SGK3: variants seen among roughly 807,000 people sequenced by gnomAD.
SGK3 encodes the protein serine/threonine-protein kinase Sgk3.
In SGK3, 47 loss-of-function variants were observed where a neutral mutation model predicts 68.5. The observed-to-expected ratio is 0.69, with a 90% CI of 0.54 to 0.87. The LOEUF (loss-of-function observed/expected upper bound fraction) is 0.87, where lower values mean the gene tolerates loss of function less well. SGK3 is among the 40% of genes least tolerant of loss of function. The pLI, the probability that SGK3 is intolerant of heterozygous loss-of-function variation, is 0.00. For missense variants in SGK3, 479 were observed against 575.5 expected, an observed-to-expected ratio of 0.83 and a Z score of 1.72; for synonymous variants, 181 against 189.1, an observed-to-expected ratio of 0.96 and a Z score of 0.35.
intron 6 of SGK3, among the ~76,000 whole-genome samples, chr8:66,828,373 C>T (rs560355489): frequency 1.3e-5 from 2 of 152,276 alleles, no homozygotes; most frequent in Non-Finnish European, 2.9e-5. Context: ...AGGAGCTTTC[C>T]TCAGTTTATT....
intron 1 of SGK3, among the ~76,000 whole-genome samples, chr8:66,764,908 C>T (rs1032179517): frequency 3.3e-5 from 5 of 152,026 alleles, no homozygotes; most frequent in African/African-American, 9.7e-5. Context: ...TTTTTATGGC[C>T]GGGTAATATT....
intron 15 of SGK3, among the ~76,000 whole-genome samples, chr8:66,849,227 T>C (rs1810162711): frequency 6.6e-6 from 1 of 152,182 alleles, no homozygotes; most frequent in Non-Finnish European, 1.5e-5. Context: ...ACTCTAGACT[T>C]ACATAGTATC....
intron 1 of SGK3, among the ~76,000 whole-genome samples, chr8:66,763,732 T>C (rs1806237750): frequency 6.6e-6 from 1 of 152,170 alleles, no homozygotes; most frequent in Non-Finnish European, 1.5e-5. Flanking sequence ...ATACTTCCAA[T>C]TGAAATTCAG....
intron 16 of SGK3, 109 bp downstream of exon 16, chr8:66,851,029 C>G: frequency 8.4e-7 from 1 of 1,190,650 alleles, no homozygotes; most frequent in Non-Finnish European, 1.2e-6. Flanking sequence ...GAGTCATTAC[C>G]TAAATATTTG....
chr8:66,819,436 A>G (rs771816241), intron 5 of SGK3, among the ~76,000 whole-genome samples: 4 of 152,340 alleles, frequency 2.6e-5, no homozygotes, highest in South Asian at 2.1e-4. Context: ...CAACTGCAGC[A>G]TTGTTTATGG....
In SGK3 at chr8:66,743,583, G is replaced by A. The variant is rs769399393; in HGVS notation, c.-122+30750G>A. ...TTGCTCTTTTTGCCCAGGCAATGGCGTGATCTCAGCTCACTGCAACTTCTG... is the reference window on the plus strand; with the variant it reads ...TTGCTCTTTTTGCCCAGGCAATGGCATGATCTCAGCTCACTGCAACTTCTG... On this transcript the variant is annotated intron_variant, in intron 1 of 16. Coordinates refer to ENST00000521198, the MANE Select transcript of SGK3 (RefSeq NM_001033578.3). Among the ~76,000 whole-genome samples the A allele has an allele frequency of 9.2e-5, 14 of 152,332 alleles. No individual in the cohort carries two copies. The East Asian group carries it at 2.3e-3, about 25-fold the overall frequency.
In SGK3 at chr8:66,728,947, G is replaced by A. The variant is rs575430576; in HGVS notation, c.-122+16114G>A. Among the ~76,000 whole-genome samples the A allele has an allele frequency of 4.8e-3, 724 of 151,978 alleles. 3 individuals are homozygous for A. The highest frequency in any genetic ancestry group is 7.4e-3 in the Non-Finnish European group (500 of 67,956). ...AAAAAAAAAAATCTGGACTGGGCAC[G>A]GGTGGCTCATGCCTGTAATCCCAGC... is the stretch of plus-strand genomic sequence containing the variant. On this transcript the variant is annotated intron_variant, in intron 1 of 16. Transcript: ENST00000521198.
rs1399940177 is a variant in SGK3, at chr8:66,758,718, A to G, written c.-121-34898A>G. The stretch of plus-strand genomic sequence containing the variant: ...TTTTTTTGAGATGGAGTCTTGCTAT[A>G]TTGTCCAGGCTGGTCTCAAACTCCC... On this transcript the variant is annotated intron_variant, in intron 1 of 16. Transcript: ENST00000521198. Among the ~76,000 whole-genome samples the G allele has an allele frequency of 4.6e-5, 7 of 152,176 alleles. No individual in the cohort carries two copies. The East Asian group carries it at 9.7e-4, about 21-fold the overall frequency.
chr8:66,783,015 G>A (rs560575752), intron 1 of SGK3, among the ~76,000 whole-genome samples: 1 of 152,202 alleles, frequency 6.6e-6, no homozygotes, highest in Non-Finnish European at 1.5e-5. Context: ...CTTCTGGATT[G>A]TATAGTAAGA....
chr8:66,801,605 T>C (rs1437779740), intron 3 of SGK3, among the ~76,000 whole-genome samples: 1 of 152,148 alleles, frequency 6.6e-6, no homozygotes, highest in African/African-American at 2.4e-5. Context: ...AAAAATGACA[T>C]GACTGTAGTG....
In SGK3 at chr8:66,841,025, G is replaced by T; in HGVS notation, c.893G>T (p.Gly298Val). 1 of 1,590,726 alleles carries T rather than the reference G, an allele frequency of 6.3e-7. No individual in the cohort carries two copies. Among genetic ancestry groups the T allele is most frequent in the Non-Finnish European group, 8.5e-7 (1 of 1,170,438 alleles). ...TCTTACTGCCCCTGTATTTGTCAGG[G>T]ACATGTTGTCTTAACAGATTTTGGG... Reference protein sequence around the residue: ...KPENILLDSVGHVVLTDFGLC... With the variant: ...KPENILLDSVVHVVLTDFGLC... Residue 298 changes from glycine (G) to valine (V), a missense_variant and splice_region_variant, in exon 13 of 17, where the codon GGA (glycine) becomes GTA (valine). Gly to Val is a moderately radical substitution (Grantham distance 109). This residue lies in a region of SGK3 where 8 missense variants were observed against 31.8 expected (regional missense o/e 0.25). Transcript: ENST00000521198.
At chr8:66,772,399 CTTT>C (rs112029105) in intron 1 of SGK3, among the ~76,000 whole-genome samples, 3 of 141,156 alleles carry the variant, frequency 2.1e-5, no homozygotes, top group African/African-American at 2.6e-5. Flanking sequence ...GATAAATATT[CTTT>C]TTTTTTTTTT....
intron 16 of SGK3, among the ~76,000 whole-genome samples, chr8:66,854,616 T>G (rs1197516861): frequency 6.6e-6 from 1 of 152,064 alleles, no homozygotes; most frequent in Non-Finnish European, 1.5e-5. Context: ...TTGTTAAAAT[T>G]AGTTAAGTGT....
chr8:66,768,560 CTATT>C (rs905864095), intron 1 of SGK3, among the ~76,000 whole-genome samples: 2 of 151,550 alleles, frequency 1.3e-5, no homozygotes, highest in Admixed American at 6.6e-5. Context: ...ACTTCTTGTA[CTATT>C]TATTTATTTA....
chr8:66,723,111 ATATATATATATATATATATAT>A (rs1269913687), intron 1 of SGK3, among the ~76,000 whole-genome samples: 1 of 46,492 alleles, frequency 2.2e-5, no homozygotes, highest in Non-Finnish European at 4.3e-5. Flanking sequence ...ATATATATAT[ATATATATATATATATATATAT>A]TTTTTTTTTT....
Position 66,822,395 on chromosome 8 carries a change from A to T in SGK3, c.353A>T (p.Gln118Leu), listed in dbSNP as rs1307388997. 14 of 1,610,774 alleles carry T rather than the reference A, an allele frequency of 8.7e-6. No homozygotes were observed. Among genetic ancestry groups the T allele is most frequent in the Non-Finnish European group, 1.2e-5 (14 of 1,178,492 alleles). Residue 118 changes from glutamine to leucine, a missense_variant, in exon 6 of 17, where the codon CAA becomes CTA. By Grantham distance (113) the Gln-to-Leu change is moderately radical. This residue lies in a region of SGK3 where 298 missense variants were observed against 329.4 expected (regional missense o/e 0.90). Transcript: ENST00000521198. ...AGTCCAGATGTCAGAGCATTCCTTC[A>T]AATGGACAGTCCAAAACACCAGTCA... ...YNHPDVRAFL[Q>L]MDSPKHQSDP...
intron 1 of SGK3, among the ~76,000 whole-genome samples, chr8:66,766,904 T>A (rs1177629430): frequency 6.6e-6 from 1 of 152,208 alleles, no homozygotes; most frequent in Non-Finnish European, 1.5e-5. Flanking sequence ...TAGGCTGGAG[T>A]GCAGTGGCGC....
At chr8:66,733,634 C>T (rs1805231719) in intron 1 of SGK3, among the ~76,000 whole-genome samples, 1 of 152,108 alleles carries the variant, frequency 6.6e-6, no homozygotes, top group Non-Finnish European at 1.5e-5. Flanking sequence ...TCACTAATTT[C>T]AGTAACTCTT....
At chr8:66,832,853 T>C (rs1428528206) in intron 8 of SGK3, among the ~76,000 whole-genome samples, 1 of 152,134 alleles carries the variant, frequency 6.6e-6, no homozygotes, top group Non-Finnish European at 1.5e-5. Context: ...TTTTTTTCCA[T>C]GTGGATAACC....
Sources: gnomAD v4.1 joint callset for allele counts (sites outside exome capture counted in the v4.1 genomes callset) on GRCh38, gnomAD v4.1.1 for gene constraint, gnomAD v4.1.1 regional missense constraint, MANE v1.5 for transcripts, NCBI Gene and HGNC (gene_info 2026-07-23, HGNC 2026-07-21) for gene names.